The following NAALADL2 variants were observed in gnomAD, a reference collection of about 807,000 sequenced individuals.
The protein encoded by NAALADL2 is inactive N-acetylated-alpha-linked acidic dipeptidase-like protein 2.
NAALADL2 carries 76 observed loss-of-function variants against 87.2 expected under a neutral mutation model. That is an observed-to-expected ratio of 0.87 (90% CI 0.72 to 1.05). NAALADL2 has a LOEUF of 1.05. Ranked by LOEUF, NAALADL2 falls within the 50% of genes least tolerant of loss-of-function variation. NAALADL2 has a pLI of 0.00. For synonymous variants in NAALADL2, 354 were observed against 331.0 expected, an observed-to-expected ratio of 1.07 and a Z score of -0.75; for missense variants, 1,089 against 945.8, an observed-to-expected ratio of 1.15 and a Z score of -1.99.
At chr3:174,622,373 A>G (rs1015910614) in intron 2 of NAALADL2, among the ~76,000 whole-genome samples, 1 of 152,224 alleles carries the variant, frequency 6.6e-6, no homozygotes, top group Non-Finnish European at 1.5e-5. Flanking sequence ...GTGAGATTAT[A>G]TGTGCCTATC....
At chr3:174,833,198 G>T (rs955870937) in intron 3 of NAALADL2, among the ~76,000 whole-genome samples, 12 of 152,072 alleles carry the variant, frequency 7.9e-5, no homozygotes. Context: ...GTAAAAGAAG[G>T]AGATAACTTT....
intron 1 of NAALADL2, among the ~76,000 whole-genome samples, chr3:175,052,965 A>C (rs1306997399): frequency 2.0e-5 from 3 of 152,200 alleles, no homozygotes; most frequent in African/African-American, 7.2e-5. Context: ...GTGCAATTCA[A>C]GCTAAACATC....
chr3:174,469,632 G>A (rs1013146446), intron 1 of NAALADL2, among the ~76,000 whole-genome samples: 1 of 151,822 alleles, frequency 6.6e-6, no homozygotes, highest in Non-Finnish European at 1.5e-5. Context: ...GGGTTTCACC[G>A]TGTTAGCCAG....
intron 3 of NAALADL2, among the ~76,000 whole-genome samples, chr3:174,748,487 AT>A (rs1381056699): frequency 1.3e-5 from 2 of 152,072 alleles, no homozygotes; most frequent in Non-Finnish European, 2.9e-5. Flanking sequence ...AGTGAAATCC[AT>A]TTCAAACCTC....
intron 3 of NAALADL2, among the ~76,000 whole-genome samples, chr3:174,776,936 T>A (rs1284904710): frequency 6.6e-6 from 1 of 152,150 alleles, no homozygotes; most frequent in Non-Finnish European, 1.5e-5. Flanking sequence ...AATTCTTCCC[T>A]TAAATTCTTT....
chr3:175,458,153 C>T (rs1197713720), intron 6 of NAALADL2, among the ~76,000 whole-genome samples: 4 of 151,872 alleles, frequency 2.6e-5, no homozygotes, highest in Non-Finnish European at 5.9e-5. Flanking sequence ...TGTTATCAGC[C>T]AATTCTCCAG....
At chr3:175,463,554 T>C in intron 7 of NAALADL2, 61 bp downstream of exon 7, 1 of 893,602 alleles carries the variant, frequency 1.1e-6, no homozygotes, top group East Asian at 2.7e-5. Context: ...GGAAATGCTC[T>C]GTAATAATTT....
At chr3:174,632,731 C>T (rs1203701450) in intron 2 of NAALADL2, among the ~76,000 whole-genome samples, 1 of 151,736 alleles carries the variant, frequency 6.6e-6, no homozygotes, top group Admixed American at 6.6e-5. Context: ...GTCAGGAGAT[C>T]GAGACCATCC....
chr3:175,385,644 T>A (rs979919895), intron 5 of NAALADL2, among the ~76,000 whole-genome samples: 2 of 152,114 alleles, frequency 1.3e-5, no homozygotes, highest in Admixed American at 1.3e-4. Flanking sequence ...ATCTCTAGCA[T>A]AAAGAAAAGA....
intron 5 of NAALADL2, among the ~76,000 whole-genome samples, chr3:175,414,849 C>T (rs867385928): frequency 5.0e-4 from 76 of 152,192 alleles, no homozygotes; most frequent in African/African-American, 1.7e-3. Flanking sequence ...AAAATGCTTA[C>T]AGCTCACTTT....
intron 1 of NAALADL2, among the ~76,000 whole-genome samples, chr3:174,875,053 A>T (rs1728320514): frequency 6.9e-6 from 1 of 144,568 alleles, no homozygotes; most frequent in African/African-American, 2.5e-5. Context: ...GTCAAGGCTG[A>T]AGTGAGCTGT....
At chr3:174,855,964 ATG>A (rs752520850), upstream of NAALADL2, among the ~76,000 whole-genome samples, 40 of 103,828 alleles carry the variant, frequency 3.9e-4, no homozygotes, top group African/African-American at 9.6e-4. Flanking sequence ...ATATATGTGT[ATG>A]TGTGTGTGTG....
chr3:175,622,578 T>A (rs1156545601), intron 10 of NAALADL2, among the ~76,000 whole-genome samples: 4 of 152,058 alleles, frequency 2.6e-5, no homozygotes, highest in African/African-American at 9.7e-5. Context: ...ACGACGAAGA[T>A]GTGAATTCCA....
intron 1 of NAALADL2, among the ~76,000 whole-genome samples, chr3:175,034,682 G>T (rs2108932211): frequency 6.6e-6 from 1 of 152,194 alleles, no homozygotes; most frequent in Middle Eastern, 3.4e-3. Flanking sequence ...AAACTGCCGA[G>T]AATTCAGTCT....
rs1210807957 is a variant in NAALADL2 at position 175,447,323 on chromosome 3, A to T, written c.1185A>T (p.Lys395Asn). The T allele has an allele frequency of 3.2e-5, 52 of 1,602,490 alleles. No homozygotes were observed. The highest frequency in any genetic ancestry group is 4.3e-5 in the Non-Finnish European group (50 of 1,173,816). The change falls in exon 6 of 14, where the codon AAA becomes AAT. Residue 395 changes from lysine (K) to asparagine (N), a missense_variant. Transcript: ENST00000454872. Reference protein sequence around the residue: ...PLVAKLISSPKARTKNEACSS... With the variant: ...PLVAKLISSPNARTKNEACSS... The stretch of plus-strand genomic sequence containing the variant: ...TTGCAAAACTGATCTCTTCGCCAAA[A>T]GCTAGAACCAAAAATGAAGCGTGTA...
chr3:174,485,145 G>A (rs79465473), intron 1 of NAALADL2, among the ~76,000 whole-genome samples: 1 of 151,982 alleles, frequency 6.6e-6, no homozygotes, highest in African/African-American at 2.4e-5. Context: ...AAAATATTCA[G>A]AGGAAAAATA....
At chr3:175,120,555 C>T (rs1370753213) in intron 2 of NAALADL2, among the ~76,000 whole-genome samples, 6 of 151,696 alleles carry the variant, frequency 4.0e-5, no homozygotes, top group Admixed American at 6.6e-5. Flanking sequence ...TGCTTGAAAT[C>T]GATCAGAGAT....
At chr3:175,339,408 A>G (rs975076913) in intron 5 of NAALADL2, among the ~76,000 whole-genome samples, 2 of 152,180 alleles carry the variant, frequency 1.3e-5, no homozygotes, top group Admixed American at 6.5e-5. Context: ...TGAGATTTCT[A>G]TCACTGGAAG....
At chr3:175,243,085 ACACACACACG>A (rs1490863985) in intron 3 of NAALADL2, among the ~76,000 whole-genome samples, 6 of 151,176 alleles carry the variant, frequency 4.0e-5, no homozygotes, top group African/African-American at 1.5e-4. Flanking sequence ...ACACACACAC[ACACACACACG>A]CACACACACA....
Sources: gnomAD v4.1 joint callset for allele counts (sites outside exome capture counted in the v4.1 genomes callset) on GRCh38, gnomAD v4.1.1 for gene constraint, MANE v1.5 for transcripts, NCBI Gene and HGNC (gene_info 2026-07-23, HGNC 2026-07-21) for gene names.